Variants in DYNC2I1 observed in about 807,000 individuals in gnomAD.
DYNC2I1 encodes the protein cytoplasmic dynein 2 intermediate chain 1.
In DYNC2I1, 89 loss-of-function variants were observed where a neutral mutation model predicts 133.4. The observed-to-expected ratio is 0.67, with a 90% confidence interval of 0.56 to 0.80. The LOEUF (loss-of-function observed/expected upper bound fraction) is 0.80, where lower values mean the gene tolerates loss of function less well. DYNC2I1 is among the 30% of genes least tolerant of loss of function. The probability of loss-of-function intolerance (pLI) is 0.00; values close to 1 mark genes in which losing one functional copy is unlikely to be tolerated. For synonymous variants in DYNC2I1, 504 were observed against 484.3 expected (o/e 1.04, Z -0.54); for missense variants, 1,291 against 1,314.5 (o/e 0.98, Z 0.28).
intron 1 of DYNC2I1, among the ~76,000 whole-genome samples, chr7:158,869,081 G>A (rs190814032): frequency 2.0e-4 from 30 of 152,300 alleles, no homozygotes; most frequent in Non-Finnish European, 4.4e-5. Context: ...CTGGGGCCTC[G>A]GCTGGGGAGA....
chr7:158,889,612 T>A (rs1409615579), intron 7 of DYNC2I1, among the ~76,000 whole-genome samples: 1 of 152,164 alleles, frequency 6.6e-6, no homozygotes, highest in East Asian at 1.9e-4. Flanking sequence ...TTTTAAATTT[T>A]ATTTTGTATT....
chr7:158,926,564 G>T (rs923964666), intron 19 of DYNC2I1, 101 bp downstream of exon 19: 45 of 1,281,592 alleles, frequency 3.5e-5, no homozygotes, highest in Non-Finnish European at 4.9e-5. Context: ...AGTTAGCTGT[G>T]GTGGGAAACG....
intron 23 of DYNC2I1, among the ~76,000 whole-genome samples, chr7:158,939,773 G>A (rs1017689887): frequency 6.6e-6 from 1 of 152,060 alleles, no homozygotes; most frequent in Non-Finnish European, 1.5e-5. Context: ...GGTGGAAAAA[G>A]GTATTCTATA....
chr7:158,927,515 G>A (rs1849748740), intron 20 of DYNC2I1, among the ~76,000 whole-genome samples: 1 of 151,374 alleles, frequency 6.6e-6, no homozygotes, highest in African/African-American at 2.4e-5. Context: ...TGTTGAACGG[G>A]CATCTCAATT....
intron 3 of DYNC2I1, among the ~76,000 whole-genome samples, chr7:158,874,269 G>A (rs892524862): frequency 6.7e-6 from 1 of 149,814 alleles, no homozygotes; most frequent in Non-Finnish European, 1.5e-5. Context: ...GTGCAGTGGT[G>A]TGATCTTGGC....
intron 23 of DYNC2I1, among the ~76,000 whole-genome samples, chr7:158,937,217 A>G (rs1303432072): frequency 3.9e-5 from 6 of 152,234 alleles, no homozygotes; most frequent in African/African-American, 1.4e-4. Context: ...AAATCAAACA[A>G]ATCTTGGAAC....
At chr7:158,914,002 G>T (rs186683540) in intron 13 of DYNC2I1, among the ~76,000 whole-genome samples, 12 of 152,316 alleles carry the variant, frequency 7.9e-5, no homozygotes, top group Non-Finnish European at 1.5e-4. Flanking sequence ...GAGCCACCAT[G>T]CCTGGCCTGA....
intron 2 of DYNC2I1, 149 bp downstream of exon 2, chr7:158,870,057 CTA>C: frequency 1.5e-6 from 1 of 663,552 alleles, no homozygotes; most frequent in Non-Finnish European, 2.6e-6. Context: ...AGGTGTACGG[CTA>C]ACAATCCCTC....
chr7:158,881,924 C>T (rs529635873), intron 5 of DYNC2I1, among the ~76,000 whole-genome samples: 12 of 152,310 alleles, frequency 7.9e-5, no homozygotes, highest in Non-Finnish European at 1.5e-5. Flanking sequence ...CTTGGCTATT[C>T]TCCATTCCCT....
chr7:158,912,940 C>A, intron 12 of DYNC2I1, 45 bp from the exon 13 acceptor site: 1 of 1,413,966 alleles, frequency 7.1e-7, no homozygotes. Context: ...CAGATTGCTC[C>A]GAAATTGAAA....
chr7:158,946,785 C>T (rs1851898765), downstream of DYNC2I1, among the ~76,000 whole-genome samples: 1 of 152,158 alleles, frequency 6.6e-6, no homozygotes, highest in Admixed American at 6.5e-5. Context: ...CATCACCCTC[C>T]TAGAATGTTC....
intron 8 of DYNC2I1, among the ~76,000 whole-genome samples, chr7:158,892,694 C>T (rs1444422050): frequency 6.6e-6 from 1 of 151,930 alleles, no homozygotes; most frequent in Non-Finnish European, 1.5e-5. Flanking sequence ...CCCTGTAATC[C>T]CAGCACCTTG....
intron 1 of DYNC2I1, among the ~76,000 whole-genome samples, chr7:158,859,013 T>G (rs1482862104): frequency 8.2e-6 from 1 of 121,864 alleles, no homozygotes; most frequent in Non-Finnish European, 1.7e-5. Flanking sequence ...CTCCTTTCCT[T>G]TCTTCAGAGT....
At chr7:158,900,602 A>G (rs1846144761) in intron 8 of DYNC2I1, among the ~76,000 whole-genome samples, 2 of 152,144 alleles carry the variant, frequency 1.3e-5, no homozygotes, top group Admixed American at 1.3e-4. Context: ...GGTGTCTGAC[A>G]TCAGTTTGGA....
intron 10 of DYNC2I1, chr7:158,905,035 A>T (rs1162966446): frequency 2.7e-6 from 1 of 373,552 alleles, no homozygotes; most frequent in African/African-American, 2.2e-5. Flanking sequence ...GTAAGTATGT[A>T]CAAGAAGCCA....
At chr7:158,881,528 A>C (rs942651857) in intron 5 of DYNC2I1, among the ~76,000 whole-genome samples, 6 of 151,938 alleles carry the variant, frequency 3.9e-5, no homozygotes, top group East Asian at 1.9e-4. Context: ...ATCTCGGCTC[A>C]CTGCAACCTT....
At position 158,884,848 on chromosome 7, in the gene DYNC2I1, A is replaced by T. The variant is rs534014461; in HGVS notation, c.935+229A>T. Among the ~76,000 whole-genome samples the T allele has an allele frequency of 9.3e-4, 141 of 152,240 alleles. 1 individual carries two copies. The Middle Eastern group carries it at 0.014, about 15-fold the overall frequency. ...TATTATTAGCTTTCTTTGGCCTTTT[A>T]AATTAATTATATTTTAATTTTTTCA... is the stretch of plus-strand genomic sequence containing the variant. On this transcript the variant is annotated intron_variant, in intron 6 of 24. Transcript: ENST00000407559.
intron 20 of DYNC2I1, among the ~76,000 whole-genome samples, chr7:158,928,029 A>G (rs1370893709): frequency 2.0e-5 from 3 of 152,140 alleles, no homozygotes; most frequent in African/African-American, 7.2e-5. Context: ...TTTTGGATTT[A>G]CAACCCCAGG....
At chr7:158,900,540 G>A (rs1293354648) in intron 8 of DYNC2I1, among the ~76,000 whole-genome samples, 2 of 152,084 alleles carry the variant, frequency 1.3e-5, no homozygotes, top group Non-Finnish European at 2.9e-5. Flanking sequence ...CCTAGGTGTA[G>A]ATGTTTTGAT....
Sources: allele counts gnomAD v4.1 joint callset (sites outside exome capture counted in the v4.1 genomes callset), GRCh38; gene constraint gnomAD v4.1.1; transcripts MANE v1.5; gene names NCBI Gene and HGNC (gene_info 2026-07-23, HGNC 2026-07-21).